CTNNBL1: variants seen among roughly 807,000 people sequenced by gnomAD.
The protein encoded by CTNNBL1 is catenin beta like 1, also known as beta-catenin-like protein 1.
In CTNNBL1, 31 loss-of-function variants were observed where a neutral mutation model predicts 72.7. The observed-to-expected ratio is 0.43, with a 90% CI of 0.32 to 0.58. The LOEUF (loss-of-function observed/expected upper bound fraction) is 0.58, where lower values mean the gene tolerates loss of function less well. CTNNBL1 is among the 20% of genes least tolerant of loss of function. The pLI, the probability that CTNNBL1 is intolerant of heterozygous loss-of-function variation, is 0.08. For missense variants in CTNNBL1, 534 were observed against 725.1 expected, an observed-to-expected ratio of 0.74 and a Z score of 3.03; for synonymous variants, 240 against 267.3, an observed-to-expected ratio of 0.90 and a Z score of 1.00.
intron 13 of CTNNBL1, among the ~76,000 whole-genome samples, chr20:37,853,622 G>A (rs2072415007): frequency 1.3e-5 from 2 of 152,226 alleles, no homozygotes; most frequent in South Asian, 2.1e-4. Flanking sequence ...AGTCAGAAGT[G>A]TATTAATCCA....
In CTNNBL1 at chr20:37,695,374, T is replaced by C. The variant is rs188256393; in HGVS notation, c.30+1222T>C. 4.1e-3 allele frequency among the ~76,000 whole-genome samples: 626 copies of C among 152,210 alleles called. 5 individuals carry two copies. Among genetic ancestry groups the C allele is most frequent in the African/African-American group, 0.014 (594 of 41,514 alleles). On this transcript the variant is annotated intron_variant, in intron 1 of 15. Coordinates refer to ENST00000361383, the MANE Select transcript of CTNNBL1 (RefSeq NM_030877.5). ...TATGCTTGGCTGATTTTTAAATTTT[T>C]TGTAGAGACAGGGTCTTGCTATGTT... is the stretch of plus-strand genomic sequence containing the variant.
Position 37,860,048 on chromosome 20 carries a change from T to G in CTNNBL1, c.1530+12T>G. On this transcript the variant is annotated intron_variant, in intron 14 of 15. Transcript: ENST00000361383. ...CCAATGTCCCCCAGGTAGGAGGGTC[T>G]TCCCCTGGATGGGCTTATCCATCCC... 1 of 1,613,898 alleles carries G rather than the reference T, an allele frequency of 6.2e-7. No homozygotes were observed. The highest frequency in any genetic ancestry group is 1.1e-5 in the South Asian group (1 of 91,044).
chr20:37,776,943 C>A (rs925316271), intron 7 of CTNNBL1, among the ~76,000 whole-genome samples: 1 of 152,132 alleles, frequency 6.6e-6, no homozygotes, highest in African/African-American at 2.4e-5. Context: ...CATATATTAA[C>A]TAATTTATAG....
chr20:37,787,610 C>T (rs1382015448), intron 10 of CTNNBL1, among the ~76,000 whole-genome samples: 1 of 152,208 alleles, frequency 6.6e-6, no homozygotes, highest in Admixed American at 6.5e-5. Flanking sequence ...TCCCAAAGTG[C>T]TGGGATTACA....
chr20:37,747,246 A>G (rs1251063358), intron 4 of CTNNBL1, among the ~76,000 whole-genome samples: 1 of 151,990 alleles, frequency 6.6e-6, no homozygotes, highest in Non-Finnish European at 1.5e-5. Context: ...GTGGTGGTGC[A>G]CGCCTGTAGT....
At chr20:37,739,078 CTG>C (rs34184566) in intron 3 of CTNNBL1, among the ~76,000 whole-genome samples, 6,940 of 147,104 alleles carry the variant, frequency 0.047, 180 homozygotes, top group South Asian at 0.12. Context: ...TACAGGAGCA[CTG>C]TGTGTGTGTG....
intron 13 of CTNNBL1, among the ~76,000 whole-genome samples, chr20:37,853,775 C>T (rs570835809): frequency 1.1e-4 from 16 of 152,330 alleles, no homozygotes; most frequent in African/African-American, 3.8e-4. Flanking sequence ...AATCATTCTG[C>T]TTATTTTATT....
rs6020325 is a variant in CTNNBL1, at chr20:37,702,696, G to A, written c.30+8544G>A. Among the ~76,000 whole-genome samples, 691 of 151,868 alleles carry A rather than the reference G, an allele frequency of 4.6e-3. 8 individuals carry two copies. Among genetic ancestry groups the A allele is most frequent in the East Asian group, 0.017 (89 of 5,180 alleles). On this transcript the variant is annotated intron_variant, in intron 1 of 15. Transcript: ENST00000361383. ...CCTTAAGTTCACTTCCTCCCTCTGCGTTCTTCTCATCATCTCTTTCTTCTG... is the reference window on the plus strand; with the variant it reads ...CCTTAAGTTCACTTCCTCCCTCTGCATTCTTCTCATCATCTCTTTCTTCTG...
rs370578340 is a variant in CTNNBL1 at position 37,767,979 on chromosome 20, C to T, written c.685C>T (p.Arg229Trp). ...LAIVENMAEF[R>W]PEMCTEGAQQ... ...TATTGTGGAAAACATGGCTGAGTTC[C>T]GGCCTGAGATGTGTACAGAGGGTGC... The change falls in exon 7 of 16, where the codon CGG becomes TGG. Residue 229 changes from arginine to tryptophan, a missense_variant. By Grantham distance (101) the Arg-to-Trp change is moderately radical. Coordinates refer to ENST00000361383, the MANE Select transcript of CTNNBL1 (RefSeq NM_030877.5). 33 of 1,613,980 alleles carry T rather than the reference C, an allele frequency of 2.0e-5. No homozygotes were observed. Among genetic ancestry groups the T allele is most frequent in the East Asian group, 1.8e-4 (8 of 44,886 alleles).
chr20:37,844,635 A>G (rs970509398), intron 13 of CTNNBL1, among the ~76,000 whole-genome samples: 1 of 152,176 alleles, frequency 6.6e-6, no homozygotes, highest in African/African-American at 2.4e-5. Context: ...TTTGGGCCAG[A>G]CACAATGGCT....
chr20:37,848,485 A>G (rs936422312), intron 13 of CTNNBL1, among the ~76,000 whole-genome samples: 1 of 151,970 alleles, frequency 6.6e-6, no homozygotes, highest in Non-Finnish European at 1.5e-5. Flanking sequence ...GTGGTTCCCA[A>G]ACTTTCTCAG....
intron 5 of CTNNBL1, among the ~76,000 whole-genome samples, chr20:37,762,111 G>C (rs1385830794): frequency 6.6e-6 from 1 of 152,204 alleles, no homozygotes; most frequent in Non-Finnish European, 1.5e-5. Flanking sequence ...CTGCTGTGTG[G>C]ATAATGGACT....
intron 10 of CTNNBL1, among the ~76,000 whole-genome samples, chr20:37,791,172 G>A (rs548777519): frequency 6.6e-6 from 1 of 152,228 alleles, no homozygotes; most frequent in Non-Finnish European, 1.5e-5. Context: ...GGATATTTGG[G>A]TTTTCAGTTT....
At chr20:37,741,669 GC>G (rs1308853050) in intron 3 of CTNNBL1, among the ~76,000 whole-genome samples, 1 of 152,182 alleles carries the variant, frequency 6.6e-6, no homozygotes, top group Non-Finnish European at 1.5e-5. Flanking sequence ...CCTAGTATGT[GC>G]CTAGTAAATA....
chr20:37,792,199 G>T (rs757960840), intron 10 of CTNNBL1, among the ~76,000 whole-genome samples: 2 of 152,148 alleles, frequency 1.3e-5, no homozygotes, highest in Non-Finnish European at 2.9e-5. Context: ...TCTCTGATCA[G>T]TGTGGCTAGA....
At chr20:37,856,515 G>C (rs2072442559) in intron 13 of CTNNBL1, among the ~76,000 whole-genome samples, 1 of 152,092 alleles carries the variant, frequency 6.6e-6, no homozygotes, top group African/African-American at 2.4e-5. Context: ...ACATGAGCAA[G>C]GCGAGGAGAC....
intron 1 of CTNNBL1, among the ~76,000 whole-genome samples, chr20:37,731,307 C>T (rs1313810412): frequency 6.6e-6 from 1 of 151,914 alleles, no homozygotes; most frequent in Non-Finnish European, 1.5e-5. Context: ...ACGATCTCGG[C>T]TCACCGCAAC....
At chr20:37,837,165 G>C (rs778407559) in intron 11 of CTNNBL1, among the ~76,000 whole-genome samples, 3 of 152,116 alleles carry the variant, frequency 2.0e-5, no homozygotes, top group African/African-American at 4.8e-5. Flanking sequence ...TTTCCCTGAA[G>C]TGCATCTTCA....
intron 3 of CTNNBL1, among the ~76,000 whole-genome samples, chr20:37,738,860 C>T (rs1485199632): frequency 6.6e-6 from 1 of 152,146 alleles, no homozygotes; most frequent in East Asian, 1.9e-4. Flanking sequence ...GAGGTGTCAG[C>T]GGGCACAGAG....
Sources: allele counts gnomAD v4.1 joint callset (sites outside exome capture counted in the v4.1 genomes callset), GRCh38; gene constraint gnomAD v4.1.1; transcripts MANE v1.5; gene names NCBI Gene and HGNC (gene_info 2026-07-23, HGNC 2026-07-21).